SSBP3: variants seen among roughly 807,000 people sequenced by gnomAD.
The protein encoded by SSBP3 is single-stranded DNA-binding protein 3.
Under a neutral mutation model 69.6 loss-of-function variants are expected in SSBP3, and 5 were observed. The observed-to-expected ratio is 0.07, with a 90% CI of 0.04 to 0.15. The LOEUF is 0.15. Among genes scored for constraint, SSBP3 ranks in the 10% least tolerant of loss-of-function variants. The probability of loss-of-function intolerance (pLI) is 1.00; values close to 1 mark genes in which losing one functional copy is unlikely to be tolerated. For missense variants in SSBP3, 312 were observed against 534.0 expected (o/e 0.58, Z 4.10); for synonymous variants, 196 against 193.4 (o/e 1.01, Z -0.11).
At chr1:54,356,250 T>G (rs961220625) in intron 4 of SSBP3, among the ~76,000 whole-genome samples, 1 of 151,906 alleles carries the variant, frequency 6.6e-6, no homozygotes, top group Non-Finnish European at 1.5e-5. Context: ...TTTTACAAAT[T>G]AAAGCAAGAA....
chr1:54,225,620 A>C, exon 18 of SSBP3: 9 of 371,348 alleles, frequency 2.4e-5, no homozygotes, highest in Non-Finnish European at 3.2e-5. Context: ...ATGATATCTC[A>C]CATAATATGA....
intron 4 of SSBP3, among the ~76,000 whole-genome samples, chr1:54,297,412 T>G (rs1645721532): frequency 6.6e-6 from 1 of 152,124 alleles, no homozygotes; most frequent in Non-Finnish European, 1.5e-5. Context: ...GGCGGATCAC[T>G]TGAGGTCAGG....
At chr1:54,378,312 CAATCATGTA>C (rs745681319) in intron 4 of SSBP3, among the ~76,000 whole-genome samples, 32 of 152,196 alleles carry the variant, frequency 2.1e-4, no homozygotes, top group Non-Finnish European at 2.6e-4. Context: ...AGGATTAAGA[CAATCATGTA>C]ACAAATATGG....
intron 5 of SSBP3, among the ~76,000 whole-genome samples, chr1:54,260,970 G>C (rs1359816785): frequency 6.6e-6 from 1 of 152,212 alleles, no homozygotes; most frequent in Admixed American, 6.5e-5. Flanking sequence ...GCAGTGAAGC[G>C]CTGACAGGCT....
chr1:54,352,896 C>T (rs931958308), intron 4 of SSBP3, among the ~76,000 whole-genome samples: 5 of 152,218 alleles, frequency 3.3e-5, no homozygotes, highest in Non-Finnish European at 7.3e-5. Flanking sequence ...AAGCCAGATC[C>T]CTCTCAACAG....
chr1:54,227,561 G>A (rs1021408978), intron 17 of SSBP3, among the ~76,000 whole-genome samples: 12 of 152,110 alleles, frequency 7.9e-5, no homozygotes, highest in Admixed American at 2.6e-4. Context: ...CCCTGGGGTG[G>A]GGCCAGTCTG....
chr1:54,312,288 C>CT (rs1646017237), intron 4 of SSBP3, among the ~76,000 whole-genome samples: 1 of 148,638 alleles, frequency 6.7e-6, no homozygotes, highest in Non-Finnish European at 1.5e-5. Context: ...GATACTCTCT[C>CT]TTTAAAAAAA....
intron 4 of SSBP3, among the ~76,000 whole-genome samples, chr1:54,379,407 A>G (rs1053714699): frequency 2.0e-5 from 3 of 152,230 alleles, no homozygotes; most frequent in Non-Finnish European, 4.4e-5. Flanking sequence ...CGTCTGCAAT[A>G]AACATGGCAA....
intron 5 of SSBP3, among the ~76,000 whole-genome samples, chr1:54,266,469 G>A (rs1473112321): frequency 1.3e-5 from 2 of 152,186 alleles, no homozygotes; most frequent in Admixed American, 1.3e-4. Context: ...TGCTTACAAA[G>A]ACCTGATGGC....
At chr1:54,275,406 G>C (rs549718704) in intron 5 of SSBP3, among the ~76,000 whole-genome samples, 1 of 152,382 alleles carries the variant, frequency 6.6e-6, no homozygotes, top group South Asian at 2.1e-4. Flanking sequence ...CGTCAGCAAA[G>C]AGAGGCCTTT....
intron 4 of SSBP3, among the ~76,000 whole-genome samples, chr1:54,337,341 A>G (rs936407370): frequency 1.3e-5 from 2 of 152,120 alleles, no homozygotes; most frequent in Non-Finnish European, 2.9e-5. Flanking sequence ...CTTGCTTTGC[A>G]ATAACCCACC....
At chr1:54,409,983 C>T (rs543253851), upstream of SSBP3, among the ~76,000 whole-genome samples, 1 of 152,332 alleles carries the variant, frequency 6.6e-6, no homozygotes, top group African/African-American at 2.4e-5. Context: ...CTTCCCAGAT[C>T]CCCCCTCTGA....
upstream of SSBP3, among the ~76,000 whole-genome samples, chr1:54,409,622 C>T (rs1318305826): frequency 1.3e-5 from 2 of 152,104 alleles, no homozygotes; most frequent in Non-Finnish European, 2.9e-5. Context: ...CTCAGCCACA[C>T]CCTCCTAAAC....
intron 4 of SSBP3, among the ~76,000 whole-genome samples, chr1:54,360,858 C>T (rs1257719272): frequency 6.6e-6 from 1 of 151,100 alleles, no homozygotes; most frequent in Non-Finnish European, 1.5e-5. Context: ...GGCAGGAGGA[C>T]CACTTGAGGC....
intron 7 of SSBP3, among the ~76,000 whole-genome samples, chr1:54,253,542 GC>G (rs1456626329): frequency 2.6e-5 from 4 of 152,144 alleles, no homozygotes; most frequent in African/African-American, 9.7e-5. Flanking sequence ...GGGGTGCTCA[GC>G]GTCTGTCTTT....
chr1:54,316,268 G>A (rs1268245266), intron 4 of SSBP3, among the ~76,000 whole-genome samples: 5 of 152,128 alleles, frequency 3.3e-5, no homozygotes, highest in Admixed American at 6.5e-5. Flanking sequence ...GTATGAACTC[G>A]GGAAGTGGAG....
At position 54,401,377 on chromosome 1, in the gene SSBP3, AACACACAC is replaced by A. The variant is rs140889770; in HGVS notation, c.276+476_276+483del. 5.4e-5 allele frequency among the ~76,000 whole-genome samples: 8 copies of A among 146,976 alleles called. No individual in the cohort carries two copies. In the Middle Eastern group the frequency reaches 0.011, roughly 198 times the overall value. On this transcript the variant is annotated intron_variant, in intron 4 of 17. Transcript: ENST00000610401. ...ATACAGTATGAGCCCACCCACACCA[AACACACAC>A]ACACACACACACACACACCCATAAT...
intron 10 of SSBP3, 76 bp downstream of exon 10, chr1:54,243,159 G>A: frequency 2.2e-6 from 3 of 1,346,486 alleles, no homozygotes; most frequent in South Asian, 2.3e-5. Flanking sequence ...CCCTTATCAT[G>A]AGTCTCCCAG....
At chr1:54,286,181 G>A (rs1298191274) in intron 4 of SSBP3, among the ~76,000 whole-genome samples, 1 of 152,006 alleles carries the variant, frequency 6.6e-6, no homozygotes, top group East Asian at 1.9e-4. Flanking sequence ...GTGACATTGG[G>A]TTCTAACCGC....
Sources: gnomAD v4.1 joint callset for allele counts (sites outside exome capture counted in the v4.1 genomes callset) on GRCh38, gnomAD v4.1.1 for gene constraint, MANE v1.5 for transcripts, NCBI Gene and HGNC (gene_info 2026-07-23, HGNC 2026-07-21) for gene names.